The following EYS variants were observed in gnomAD, a reference collection of about 807,000 sequenced individuals.
EYS encodes the protein EGF-like photoreceptor maintenance factor.
A neutral mutation model predicts 282.1 loss-of-function variants in EYS; 250 were observed. The observed-to-expected ratio is 0.89, with a 90% CI of 0.80 to 0.98. The LOEUF (loss-of-function observed/expected upper bound fraction) is 0.98. EYS is among the 50% of genes least tolerant of loss of function. EYS has a pLI of 0.00. For synonymous variants in EYS, 1,355 were observed against 1,282.9 expected, an observed-to-expected ratio of 1.06 and a Z score of -1.20; for missense variants, 4,016 against 3,709.0, an observed-to-expected ratio of 1.08 and a Z score of -2.15.
At chr6:64,898,654 C>A (rs969660944) in intron 18 of EYS, among the ~76,000 whole-genome samples, 4 of 150,634 alleles carry the variant, frequency 2.7e-5, no homozygotes, top group African/African-American at 9.8e-5. Context: ...AAGGCACAGA[C>A]TGGCAAATTG....
At chr6:64,933,825 C>A (rs547632466) in intron 15 of EYS, among the ~76,000 whole-genome samples, 1 of 152,168 alleles carries the variant, frequency 6.6e-6, no homozygotes, top group Non-Finnish European at 1.5e-5. Context: ...AGTTTATGTC[C>A]TTTGCAGAGA....
intron 14 of EYS, among the ~76,000 whole-genome samples, chr6:64,963,968 C>A (rs1022389706): frequency 1.3e-5 from 2 of 152,056 alleles, no homozygotes; most frequent in Non-Finnish European, 2.9e-5. Context: ...CATGAATACA[C>A]TACCTACTTT....
At chr6:65,629,704 C>A (rs1766845943) in intron 2 of EYS, among the ~76,000 whole-genome samples, 1 of 152,120 alleles carries the variant, frequency 6.6e-6, no homozygotes, top group African/African-American at 2.4e-5. Context: ...AGGTTTCCTC[C>A]TGTCTCTTTG....
intron 8 of EYS, among the ~76,000 whole-genome samples, chr6:65,360,216 T>C (rs1764649283): frequency 6.6e-6 from 1 of 151,952 alleles, no homozygotes; most frequent in Non-Finnish European, 1.5e-5. Flanking sequence ...AACAGATTAT[T>C]TCTAAAATAT....
At chr6:65,118,321 A>T (rs1291596729) in intron 12 of EYS, among the ~76,000 whole-genome samples, 1 of 151,726 alleles carries the variant, frequency 6.6e-6, no homozygotes, top group Admixed American at 6.6e-5. Context: ...GTTAGGCTTC[A>T]TTTAGAAAAT....
chr6:64,624,090 A>G (rs1216972328), intron 23 of EYS, among the ~76,000 whole-genome samples: 1 of 152,114 alleles, frequency 6.6e-6, no homozygotes, highest in Non-Finnish European at 1.5e-5. Context: ...AGTGTAAGTA[A>G]CTCTAAAGTC....
chr6:64,200,695 G>A (rs939860400), intron 31 of EYS, among the ~76,000 whole-genome samples: 1 of 152,138 alleles, frequency 6.6e-6, no homozygotes, highest in African/African-American at 2.4e-5. Flanking sequence ...AAAGGCAATG[G>A]CTGTGAAGGT....
At chr6:64,896,854 G>T (rs867702825) in intron 18 of EYS, among the ~76,000 whole-genome samples, 22 of 151,870 alleles carry the variant, frequency 1.4e-4, no homozygotes, top group Admixed American at 5.9e-4. Context: ...ACTGGTGGAG[G>T]GGGGGGCCAC....
chr6:63,992,359 A>T (rs1237203197), intron 34 of EYS, among the ~76,000 whole-genome samples: 1 of 151,774 alleles, frequency 6.6e-6, no homozygotes, highest in African/African-American at 2.4e-5. Flanking sequence ...GTACATGTGC[A>T]GGTTTGTTAC....
chr6:64,162,460 T>A (rs1775136441), intron 31 of EYS, among the ~76,000 whole-genome samples: 1 of 152,050 alleles, frequency 6.6e-6, no homozygotes, highest in Admixed American at 6.6e-5. Context: ...CTGGAATTCC[T>A]AAGATTGCTT....
intron 22 of EYS, among the ~76,000 whole-genome samples, chr6:64,693,700 T>C (rs1301610245): frequency 6.6e-6 from 1 of 152,116 alleles, no homozygotes; most frequent in Non-Finnish European, 1.5e-5. Flanking sequence ...CCTTCATGTC[T>C]TGAGGGTTGG....
intron 33 of EYS, among the ~76,000 whole-genome samples, chr6:64,050,413 C>T (rs546410486): frequency 3.3e-5 from 5 of 152,236 alleles, no homozygotes; most frequent in Admixed American, 6.5e-5. Flanking sequence ...ACATTTTTCC[C>T]TTCTCCTCTT....
At chr6:65,033,048 T>A (rs1209024931) in intron 13 of EYS, among the ~76,000 whole-genome samples, 1 of 152,192 alleles carries the variant, frequency 6.6e-6, no homozygotes, top group Admixed American at 6.5e-5. Flanking sequence ...ATTCTGTTCA[T>A]GCCCTAGGGA....
chr6:65,075,498 A>C (rs1462146913), intron 12 of EYS, among the ~76,000 whole-genome samples: 1 of 152,004 alleles, frequency 6.6e-6, no homozygotes, highest in African/African-American at 2.4e-5. Context: ...AGAATTACTA[A>C]AAGCTTTTTA....
intron 13 of EYS, among the ~76,000 whole-genome samples, chr6:65,047,839 A>G (rs1224109015): frequency 6.6e-6 from 1 of 151,954 alleles, no homozygotes; most frequent in Admixed American, 6.6e-5. Context: ...GAGTGGAGGT[A>G]GCTGAGTGGA....
intron 26 of EYS, among the ~76,000 whole-genome samples, chr6:64,521,927 C>T (rs1314199546): frequency 1.3e-5 from 2 of 151,626 alleles, no homozygotes; most frequent in African/African-American, 2.4e-5. Flanking sequence ...GAAGTATAGT[C>T]GTATCATTCA....
intron 2 of EYS, among the ~76,000 whole-genome samples, chr6:65,626,326 C>T (rs1393048571): frequency 6.6e-6 from 1 of 152,166 alleles, no homozygotes; most frequent in Non-Finnish European, 1.5e-5. Flanking sequence ...AGAGCCACTA[C>T]CTAGAGTTTG....
intron 31 of EYS, among the ~76,000 whole-genome samples, chr6:64,203,045 A>G (rs1421185533): frequency 1.3e-5 from 2 of 152,206 alleles, no homozygotes; most frequent in Non-Finnish European, 2.9e-5. Context: ...CAAAGACCTG[A>G]GAGATATAAG....
At chr6:64,603,199 A>G (rs1766816572) in intron 24 of EYS, among the ~76,000 whole-genome samples, 4 of 152,144 alleles carry the variant, frequency 2.6e-5, no homozygotes, top group African/African-American at 9.6e-5. Context: ...TGCTTACAGG[A>G]CAAAATAATT....
Sources: allele counts gnomAD v4.1 joint callset (sites outside exome capture counted in the v4.1 genomes callset), GRCh38; gene constraint gnomAD v4.1.1; transcripts MANE v1.5; gene names NCBI Gene and HGNC (gene_info 2026-07-23, HGNC 2026-07-21).